Variants in GMEB2 observed in about 807,000 individuals in gnomAD.
GMEB2 encodes the protein glucocorticoid modulatory element-binding protein 2.
In GMEB2, 7 loss-of-function variants were observed where a neutral mutation model predicts 45.7. The observed-to-expected ratio is 0.15, with a 90% CI of 0.09 to 0.29. The LOEUF (loss-of-function observed/expected upper bound fraction) is 0.29. Among genes scored for constraint, GMEB2 ranks in the 10% least tolerant of loss-of-function variants. The pLI, the probability that GMEB2 is intolerant of heterozygous loss-of-function variation, is 1.00. For missense variants in GMEB2, 582 were observed against 739.2 expected (o/e 0.79, Z 2.47); for synonymous variants, 322 against 323.6 (o/e 1.00, Z 0.05).
chr20:63,592,867 C>T lies in GMEB2; in HGVS notation c.691+144G>A. The T allele has an allele frequency of 1.9e-5, 14 of 720,360 alleles. No homozygotes were observed. The highest frequency in any genetic ancestry group is 7.4e-6 in the Non-Finnish European group (3 of 407,958). 44.6% of individuals were successfully genotyped at this position (720,360 alleles called of 1,614,324 possible). On this transcript the variant is annotated intron_variant, in intron 7 of 9. Transcript: ENST00000370077. The surrounding 1 kb of genome is among the most constrained non-coding windows in gnomAD (Gnocchi z 8.2). Reference sequence around the variant, plus strand: ...CAGGTCAGCCTCAGAGCGCCCACGACAATGCTGCTGGAACCAGGCCTTTCT... The same window carrying T: ...CAGGTCAGCCTCAGAGCGCCCACGATAATGCTGCTGGAACCAGGCCTTTCT...
chr20:63,616,578 C>G (rs2089610242), intron 2 of GMEB2, among the ~76,000 whole-genome samples: 2 of 152,274 alleles, frequency 1.3e-5, no homozygotes, highest in Admixed American at 6.5e-5. Flanking sequence ...CAGAGAGCAG[C>G]AAGGTGCAGA....
At chr20:63,606,808 G>A (rs2089523006) in intron 2 of GMEB2, among the ~76,000 whole-genome samples, 1 of 152,300 alleles carries the variant, frequency 6.6e-6, no homozygotes. Context: ...CCCCAAGCAG[G>A]GGCTCTGGAG....
At chr20:63,603,518 C>G (rs989948287) in intron 3 of GMEB2, among the ~76,000 whole-genome samples, 1 of 150,916 alleles carries the variant, frequency 6.6e-6, no homozygotes, top group Admixed American at 6.6e-5. Flanking sequence ...ATCACGAAGT[C>G]AAGAGATCAA....
rs2083173636 is a variant in GMEB2 at position 63,593,983 on chromosome 20, G to A, written c.620-901C>T. Among the ~76,000 whole-genome samples, 1 of 152,220 alleles carries A rather than the reference G, an allele frequency of 6.6e-6. No individual in the cohort carries two copies. The highest frequency in any genetic ancestry group is 2.4e-5 in the African/African-American group (1 of 41,456). ...TGCAGTGAGCCGAGATCAGGCCCCT[G>A]CACTCCAGCCTGGGCGACAGAGCAG... is the stretch of plus-strand genomic sequence containing the variant. On this transcript the variant is annotated intron_variant, in intron 6 of 9. Transcript: ENST00000370077. The surrounding 1 kb of genome is among the most constrained non-coding windows in gnomAD (Gnocchi z 4.7).
chr20:63,614,612 C>T (rs1050567589), intron 2 of GMEB2, among the ~76,000 whole-genome samples: 4 of 152,190 alleles, frequency 2.6e-5, no homozygotes, highest in Non-Finnish European at 5.9e-5. Context: ...CGCAGTTATC[C>T]GGAGGCCTAA....
intron 2 of GMEB2, among the ~76,000 whole-genome samples, chr20:63,617,773 G>A (rs1435337476): frequency 6.6e-6 from 1 of 152,046 alleles, no homozygotes; most frequent in African/African-American, 2.4e-5. Context: ...CGGCCACGGT[G>A]TCAGGGCTCA....
intron 4 of GMEB2, among the ~76,000 whole-genome samples, chr20:63,600,137 G>A (rs1172545581): frequency 2.0e-5 from 3 of 151,968 alleles, no homozygotes; most frequent in African/African-American, 7.2e-5. Flanking sequence ...CCGCCTCCCG[G>A]GTTCAAGAGA....
rs1007834371 is a variant in GMEB2, at chr20:63,588,644, G to A, written c.*1445C>T. 1.8e-5 allele frequency: 7 copies of A among 397,938 alleles called. No homozygotes were observed. The East Asian group carries it at 2.5e-4, about 14-fold the overall frequency. The allele number at this position is 397,938 out of a possible 1,614,324, so 24.7% of individuals were successfully genotyped here. A position where few individuals can be genotyped will look rare whatever the true frequency, so the allele number is the denominator to read the frequency against. ...GAGGTGGGGTCTGGGCCGCTCACTG[G>A]ACGGACAGCCAGCCAGTTCCCTTCG... is the stretch of plus-strand genomic sequence containing the variant. On this transcript the variant is annotated 3_prime_UTR_variant, in exon 10 of 10. Coordinates refer to ENST00000370077, the MANE Select transcript of GMEB2 (RefSeq NM_012384.5).
intron 9 of GMEB2, among the ~76,000 whole-genome samples, 199 bp from the exon 10 acceptor site, chr20:63,590,928 C>G (rs576155067): frequency 1.2e-4 from 19 of 152,220 alleles, no homozygotes; most frequent in African/African-American, 4.6e-4. Flanking sequence ...CCCAAGATGG[C>G]CCTCGGGGTA....
rs1391826652 is a variant in GMEB2, at chr20:63,595,544, C to T, written c.619+66G>A. 6 of 1,432,700 alleles carry T rather than the reference C, an allele frequency of 4.2e-6. No homozygotes were observed. In the Admixed American group the frequency reaches 1.0e-4, roughly 24 times the overall value. 88.7% of individuals were successfully genotyped at this position (1,432,700 alleles called of 1,614,324 possible). On this transcript the variant is annotated intron_variant, in intron 6 of 9. Coordinates refer to ENST00000370077, the MANE Select transcript of GMEB2 (RefSeq NM_012384.5). ...TGGGGCCAAGGAGGCCACCCAGGGG[C>T]ATGTCACCCTCTGTGGCCATGGCCA...
chr20:63,621,046 A>C lies in GMEB2; in HGVS notation c.-57-1592T>G, dbSNP rs1808130534. ...AACAGAAATGTGAAAATTAAAAACG[A>C]CAACCAAAAGAAAATACACAAAGCT... is the stretch of plus-strand genomic sequence containing the variant. On this transcript the variant is annotated intron_variant, in intron 1 of 9. Transcript: ENST00000370077. 3.3e-5 allele frequency among the ~76,000 whole-genome samples: 5 copies of C among 152,204 alleles called. No individual in the cohort carries two copies. The South Asian group carries it at 1.0e-3, about 31-fold the overall frequency.
In GMEB2 at chr20:63,626,262, G is replaced by GGTC. The variant is rs1184103459; in HGVS notation, c.-58+693_-58+694insGAC. On this transcript the variant is annotated intron_variant, in intron 1 of 9. Transcript: ENST00000370077. Reference sequence around the variant, plus strand: ...CGGGTCGCGTCCCTGCGAGTTGGGTGCCTGCCGGGTGGCCCCTGCGGGTCG... The same window carrying GGTC: ...CGGGTCGCGTCCCTGCGAGTTGGGTGGTCCCTGCCGGGTGGCCCCTGCGGGTCG... 7.5e-3 allele frequency among the ~76,000 whole-genome samples: 110 copies of GGTC among 14,764 alleles called. 1 individual carries two copies. The highest frequency in any genetic ancestry group is 0.043 in the Non-Finnish European group (105 of 2,464). 9.7% of individuals were successfully genotyped at this position (14,764 alleles called of 152,430 possible). A position where few individuals can be genotyped will look rare whatever the true frequency, so the allele number is the denominator to read the frequency against.
At position 63,588,837 on chromosome 20, in the gene GMEB2, C is replaced by A. The variant is rs2083117458; in HGVS notation, c.*1252G>T. On this transcript the variant is annotated 3_prime_UTR_variant, in exon 10 of 10. Transcript: ENST00000370077. The stretch of plus-strand genomic sequence containing the variant: ...CCTGGGCTGGCTGCTCCCTGAGATG[C>A]CTGCCCCAGGACCCTGGCCTGGAGG... 1 of 398,626 alleles carries A rather than the reference C, an allele frequency of 2.5e-6. No homozygotes were observed. The allele number at this position is 398,626 out of a possible 1,614,324, so 24.7% of individuals were successfully genotyped here.
At chr20:63,594,812 G>A (rs3787109) in intron 6 of GMEB2, among the ~76,000 whole-genome samples, 7,735 of 152,142 alleles carry the variant, frequency 0.051, 738 homozygotes, top group East Asian at 0.3. Context: ...GCAGTGGAGC[G>A]ATCTCAGCTC....
rs1163601896 is a variant in GMEB2, at chr20:63,589,252, C to A, written c.*837G>T. ...GGACAGGCTGCCCAGGACCTCCGCACCCGGTCAAGTGCACTCACAGGGGCT... is the reference window on the plus strand; with the variant it reads ...GGACAGGCTGCCCAGGACCTCCGCAACCGGTCAAGTGCACTCACAGGGGCT... On this transcript the variant is annotated 3_prime_UTR_variant, in exon 10 of 10. Coordinates refer to ENST00000370077, the MANE Select transcript of GMEB2 (RefSeq NM_012384.5). 5.0e-6 allele frequency: 2 copies of A among 398,770 alleles called. No homozygotes were observed. The highest frequency in any genetic ancestry group is 1.3e-4 in the South Asian group (1 of 7,458). 24.7% of individuals were successfully genotyped at this position (398,770 alleles called of 1,614,324 possible).
At chr20:63,597,631 C>T (rs1168288086) in intron 5 of GMEB2, 126 bp downstream of exon 5, 6 of 641,410 alleles carry the variant, frequency 9.4e-6, no homozygotes, top group Admixed American at 2.3e-5. Context: ...AGCAGCCACC[C>T]GGGAGGTTGT....
rs779913400 is a variant in GMEB2 at position 63,590,644 on chromosome 20, C to T, written c.1038G>A (p.Thr346=). 8 of 1,584,642 alleles carry T rather than the reference C, an allele frequency of 5.0e-6. No individual in the cohort carries two copies. Among genetic ancestry groups the T allele is most frequent in the Non-Finnish European group, 6.9e-6 (8 of 1,163,630 alleles). The change falls in exon 10 of 10, where the codon ACG becomes ACA. Residue 346 remains threonine (T), a synonymous_variant. Transcript: ENST00000370077. The part of the protein sequence containing the change: ...KSQHLSNVLM[T]LTPVSLPPPV... ...GCGGTGGCAGGGAGACCGGCGTCAGCGTCATGAGCACGTTGCTGAGGTGCT... is the reference window on the plus strand; with the variant it reads ...GCGGTGGCAGGGAGACCGGCGTCAGTGTCATGAGCACGTTGCTGAGGTGCT...
At position 63,590,618 on chromosome 20, in the gene GMEB2, G is replaced by C. The variant is rs1353227046; in HGVS notation, c.1064C>G (p.Pro355Arg). The C allele has an allele frequency of 6.3e-7, 1 of 1,591,802 alleles. No individual in the cohort carries two copies. Residue 355 changes from proline (P) to arginine (R), a missense_variant, in exon 10 of 10, where the codon CCT (proline) becomes CGT (arginine). Pro to Arg is a moderately radical substitution (Grantham distance 103). Coordinates refer to ENST00000370077, the MANE Select transcript of GMEB2 (RefSeq NM_012384.5). ...MTLTPVSLPP[P>R]VKRPRLARAT... The stretch of plus-strand genomic sequence containing the variant: ...ACGTGCAAGCCGGGGCCGCTTCACA[G>C]GCGGTGGCAGGGAGACCGGCGTCAG...
Position 63,592,911 on chromosome 20 carries a change from C to A in GMEB2, c.691+100G>T. On this transcript the variant is annotated intron_variant, in intron 7 of 9. Transcript: ENST00000370077. This position sits in a 1 kb window ranked among gnomAD's most constrained non-coding sequence, Gnocchi z 8.2. The stretch of plus-strand genomic sequence containing the variant: ...CCTTTCTCCACAAAGACCCTGCCGG[C>A]CCCACCTGGACTCCTGGAGCCCCTG... 1.2e-6 allele frequency: 1 copy of A among 807,918 alleles called. No homozygotes were observed. The highest frequency in any genetic ancestry group is 1.5e-5 in the South Asian group (1 of 68,246). The allele number at this position is 807,918 out of a possible 1,614,324, so 50.0% of individuals were successfully genotyped here. A position where few individuals can be genotyped will look rare whatever the true frequency, so the allele number is the denominator to read the frequency against.
Sources: allele counts gnomAD v4.1 joint callset (sites outside exome capture counted in the v4.1 genomes callset), GRCh38; gene constraint gnomAD v4.1.1; non-coding constraint Gnocchi (gnomAD v3.1); transcripts MANE v1.5; gene names NCBI Gene and HGNC (gene_info 2026-07-23, HGNC 2026-07-21).